ASRGL1: variants seen among roughly 807,000 people sequenced by gnomAD.
ASRGL1 encodes the protein isoaspartyl peptidase/L-asparaginase.
ASRGL1 carries 16 observed loss-of-function variants against 22.4 expected under a neutral mutation model. That is an observed-to-expected ratio of 0.71 (90% CI 0.48 to 1.08). ASRGL1 has a LOEUF of 1.08. ASRGL1 is among the 50% of genes least tolerant of loss of function. ASRGL1 has a pLI of 0.00. For missense variants in ASRGL1, 412 were observed against 410.1 expected (o/e 1.00, Z -0.04); for synonymous variants, 165 against 159.3 (o/e 1.04, Z -0.27).
Position 62,362,630 on chromosome 11 carries a change from A to T in ASRGL1, c.491+5486A>T, listed in dbSNP as rs868617750. ...AAAATATATATTATATATTATATAA[A>T]ATATATATAATATATAATATATATT... On this transcript the variant is annotated intron_variant, in intron 4 of 6. Coordinates refer to ENST00000415229, the MANE Select transcript of ASRGL1 (RefSeq NM_001083926.2). 1.0e-2 allele frequency among the ~76,000 whole-genome samples: 482 copies of T among 48,236 alleles called. 49 individuals carry two copies. The highest frequency in any genetic ancestry group is 0.017 in the African/African-American group (193 of 11,464). The allele number at this position is 48,236 out of a possible 152,430, so 31.6% of individuals were successfully genotyped here.
intron 4 of ASRGL1, among the ~76,000 whole-genome samples, chr11:62,383,586 G>A (rs551172379): frequency 1.0e-5 from 1 of 96,722 alleles, no homozygotes; most frequent in Non-Finnish European, 1.9e-5. Flanking sequence ...CTGGGCGACA[G>A]AGCGAGACTC....
chr11:62,356,036 C>T (rs1055877507), intron 2 of ASRGL1, among the ~76,000 whole-genome samples: 8 of 152,244 alleles, frequency 5.3e-5, no homozygotes, highest in Admixed American at 6.5e-5. Flanking sequence ...TACACAGACA[C>T]GGCAACCATC....
chr11:62,338,932 C>CAA (rs576869521), intron 2 of ASRGL1, among the ~76,000 whole-genome samples: 1,559 of 101,528 alleles, frequency 0.015, 98 homozygotes, highest in Non-Finnish European at 0.021. Context: ...GAGACTATCT[C>CAA]AAAAAAAAAA....
At chr11:62,391,700 A>T in intron 6 of ASRGL1, 68 bp downstream of exon 6, 1 of 1,497,624 alleles carries the variant, frequency 6.7e-7, no homozygotes, top group Non-Finnish European at 9.0e-7. Flanking sequence ...TTGATAAGTA[A>T]GCGCATGGAG....
the ASRGL1 span, among the ~76,000 whole-genome samples, chr11:62,398,425 A>G: frequency 6.6e-6 from 1 of 152,106 alleles, no homozygotes; most frequent in Non-Finnish European, 1.5e-5. Flanking sequence ...CCAAAGGGCC[A>G]CTTTCAGAAG....
chr11:62,367,061 G>A (rs1432593348), intron 4 of ASRGL1, among the ~76,000 whole-genome samples: 4 of 151,622 alleles, frequency 2.6e-5, no homozygotes, highest in Non-Finnish European at 4.4e-5. Flanking sequence ...AAAATTAGTC[G>A]GGCATGGTGG....
In ASRGL1 at chr11:62,371,541, T is replaced by C. The variant is rs1383304720; in HGVS notation, c.491+14397T>C. On this transcript the variant is annotated intron_variant, in intron 4 of 6. Transcript: ENST00000415229. Reference sequence around the variant, plus strand: ...GGTAAAAGTCATCACCATTCTCTAATCTCAAGTACCCAGGGACACAATACA... The same window carrying C: ...GGTAAAAGTCATCACCATTCTCTAACCTCAAGTACCCAGGGACACAATACA... 38 of 704,940 alleles carry C rather than the reference T, an allele frequency of 5.4e-5. No individual in the cohort carries two copies. The Admixed American group carries it at 7.1e-4, about 13-fold the overall frequency. The allele number at this position is 704,940 out of a possible 1,614,324, so 43.7% of individuals were successfully genotyped here. A position where few individuals can be genotyped will look rare whatever the true frequency, so the allele number is the denominator to read the frequency against.
chr11:62,371,194 G>T, intron 4 of ASRGL1: 1 of 1,252,736 alleles, frequency 8.0e-7, no homozygotes, highest in African/African-American at 1.6e-5. Flanking sequence ...CAACGGCACT[G>T]CCCACGCCAG....
At chr11:62,401,372 T>G in the ASRGL1 span, among the ~76,000 whole-genome samples, 1 of 152,198 alleles carries the variant, frequency 6.6e-6, no homozygotes, top group African/African-American at 2.4e-5. Context: ...CACCTCTGTC[T>G]TGCTCATAGC....
At chr11:62,379,956 C>T (rs1003514465) in intron 4 of ASRGL1, among the ~76,000 whole-genome samples, 91 of 152,204 alleles carry the variant, frequency 6.0e-4, no homozygotes, top group African/African-American at 2.2e-3. Context: ...ACATCTTGGA[C>T]ATAAGTCGGG....
intron 5 of ASRGL1, 67 bp from the exon 6 acceptor site, chr11:62,391,455 C>A: frequency 6.5e-7 from 1 of 1,534,368 alleles, no homozygotes; most frequent in South Asian, 1.2e-5. Flanking sequence ...CATGTAGCGT[C>A]CGACTTCTAA....
chr11:62,393,753 C>T (rs757499064), downstream of ASRGL1, among the ~76,000 whole-genome samples: 9 of 152,204 alleles, frequency 5.9e-5, no homozygotes, highest in African/African-American at 1.4e-4. Context: ...TGCCACAACA[C>T]GATTCCACAG....
At chr11:62,340,144 C>G (rs1023046655) in intron 2 of ASRGL1, among the ~76,000 whole-genome samples, 1 of 152,078 alleles carries the variant, frequency 6.6e-6, no homozygotes, top group Admixed American at 6.5e-5. Context: ...TGGCACAAGC[C>G]TGTAGCCGCC....
At chr11:62,397,672 A>C (rs1947447866), downstream of ASRGL1, among the ~76,000 whole-genome samples, 1 of 143,886 alleles carries the variant, frequency 6.9e-6, no homozygotes, top group Admixed American at 7.1e-5. Context: ...CTCAAAAAAA[A>C]AAAAAAAAAA....
chr11:62,358,371 GAA>G (rs34743439), intron 4 of ASRGL1, among the ~76,000 whole-genome samples: 1 of 111,828 alleles, frequency 8.9e-6, no homozygotes, highest in Non-Finnish European at 1.7e-5. Context: ...CTCCGTCTCA[GAA>G]AAAAAAAAAA....
chr11:62,348,671 C>G (rs1359408866), intron 2 of ASRGL1, among the ~76,000 whole-genome samples: 1 of 151,718 alleles, frequency 6.6e-6, no homozygotes, highest in Non-Finnish European at 1.5e-5. Flanking sequence ...CCACTGCACT[C>G]CAGCCTGGGT....
downstream of ASRGL1, among the ~76,000 whole-genome samples, chr11:62,396,333 C>T (rs1947432740): frequency 6.6e-6 from 1 of 151,944 alleles, no homozygotes; most frequent in South Asian, 2.1e-4. Flanking sequence ...ACCAGCCTTT[C>T]CACCTCACCC....
chr11:62,373,272 A>C (rs557249638), intron 4 of ASRGL1: 1 of 704,134 alleles, frequency 1.4e-6, no homozygotes, highest in South Asian at 1.7e-5. Context: ...TAAAAAAGCA[A>C]AAGTGGACCG....
chr11:62,351,348 A>G lies in ASRGL1; in HGVS notation c.191-4977A>G, dbSNP rs527282670. On this transcript the variant is annotated intron_variant, in intron 2 of 6. Transcript: ENST00000415229. Reference sequence around the variant, plus strand: ...TTTCTTTATTCTTTCTTCCTTCCCAATGTTCCAAGATTCCTTTCTGGCTGA... The same window carrying G: ...TTTCTTTATTCTTTCTTCCTTCCCAGTGTTCCAAGATTCCTTTCTGGCTGA... Among the ~76,000 whole-genome samples the G allele has an allele frequency of 9.3e-4, 141 of 152,200 alleles. 1 individual carries two copies. The highest frequency in any genetic ancestry group is 3.1e-3 in the African/African-American group (128 of 41,544).
Sources: gnomAD v4.1 joint callset for allele counts (sites outside exome capture counted in the v4.1 genomes callset) on GRCh38, gnomAD v4.1.1 for gene constraint, MANE v1.5 for transcripts, NCBI Gene and HGNC (gene_info 2026-07-23, HGNC 2026-07-21) for gene names.